LHFPL2: variants seen among roughly 807,000 people sequenced by gnomAD.
The protein encoded by LHFPL2 is LHFPL tetraspan subfamily member 2 protein.
LHFPL2 carries 7 observed loss-of-function variants against 17.5 expected under a neutral mutation model. The observed-to-expected ratio is 0.40, with a 90% CI of 0.23 to 0.75. The LOEUF is 0.75. Among genes scored for constraint, LHFPL2 ranks in the 30% least tolerant of loss-of-function variants. LHFPL2 has a pLI of 0.37. For missense variants in LHFPL2, 241 were observed against 294.8 expected, an observed-to-expected ratio of 0.82 and a Z score of 1.34; for synonymous variants, 134 against 116.2, an observed-to-expected ratio of 1.15 and a Z score of -0.99.
rs1756590684 is a variant in LHFPL2, at chr5:78,557,052, C to T, written c.-186+7761G>A. On this transcript the variant is annotated intron_variant, in intron 3 of 4. Coordinates refer to ENST00000380345, the MANE Select transcript of LHFPL2 (RefSeq NM_005779.3). Reference sequence around the variant, plus strand: ...TAGACATGTGTCTGGCAATCCTAGTCCAGCCATAATAATATATATGTAAGG... The same window carrying T: ...TAGACATGTGTCTGGCAATCCTAGTTCAGCCATAATAATATATATGTAAGG... Among the ~76,000 whole-genome samples, 2 of 151,924 alleles carry T rather than the reference C, an allele frequency of 1.3e-5. 1 individual carries two copies. The highest frequency in any genetic ancestry group is 4.8e-5 in the African/African-American group (2 of 41,310).
chr5:78,552,180 C>T (rs113757379), intron 3 of LHFPL2, among the ~76,000 whole-genome samples: 1 of 149,720 alleles, frequency 6.7e-6, no homozygotes, highest in Admixed American at 6.6e-5. Flanking sequence ...GTTGCCCAGG[C>T]TGGAGTGCAG....
chr5:78,622,967 T>C (rs139123304), intron 2 of LHFPL2, among the ~76,000 whole-genome samples: 86 of 152,200 alleles, frequency 5.7e-4, no homozygotes, highest in African/African-American at 2.0e-3. Flanking sequence ...GGATCTTATC[T>C]AGGCTGTGGG....
chr5:78,552,412 C>T lies in LHFPL2; in HGVS notation c.-186+12401G>A, dbSNP rs951968824. Among the ~76,000 whole-genome samples, 5 of 152,198 alleles carry T rather than the reference C, an allele frequency of 3.3e-5. 1 individual carries two copies. Among genetic ancestry groups the T allele is most frequent in the Admixed American group, 2.6e-4 (4 of 15,280 alleles). ...CCTCCCAAAGTGCTGGGATTGCAGGCGTGAGCCACCGCGCCTGGCCATGTC... is the reference window on the plus strand; with the variant it reads ...CCTCCCAAAGTGCTGGGATTGCAGGTGTGAGCCACCGCGCCTGGCCATGTC... On this transcript the variant is annotated intron_variant, in intron 3 of 4. Transcript: ENST00000380345.
intron 4 of LHFPL2, among the ~76,000 whole-genome samples, chr5:78,494,072 G>T (rs963690291): frequency 6.6e-6 from 1 of 152,222 alleles, no homozygotes; most frequent in Non-Finnish European, 1.5e-5. Context: ...AGTTCCTGAA[G>T]TGAGGCCACC....
chr5:78,573,080 T>C (rs1279239471), intron 2 of LHFPL2, among the ~76,000 whole-genome samples: 1 of 152,006 alleles, frequency 6.6e-6, no homozygotes, highest in African/African-American at 2.4e-5. Context: ...AGACCTACAG[T>C]GTGAAATAAC....
At chr5:78,571,708 C>G (rs1349136133) in intron 2 of LHFPL2, among the ~76,000 whole-genome samples, 1 of 152,216 alleles carries the variant, frequency 6.6e-6, no homozygotes, top group African/African-American at 2.4e-5. Flanking sequence ...CCCTGACCAC[C>G]CTTGCTAAAA....
intron 1 of LHFPL2, among the ~76,000 whole-genome samples, chr5:78,633,412 G>A (rs776310928): frequency 2.0e-4 from 30 of 152,230 alleles, no homozygotes; most frequent in Non-Finnish European, 3.8e-4. Context: ...ACCGTGTAGT[G>A]CAGCAGCATC....
Position 78,487,070 on chromosome 5 carries a change from G to A in LHFPL2, c.*1827C>T, listed in dbSNP as rs964394825. Reference sequence around the variant, plus strand: ...TTCCTAGGCTGCTATGAAGATACCCGTTTTTTTCTTCACCAAAATCACAGG... The same window carrying A: ...TTCCTAGGCTGCTATGAAGATACCCATTTTTTTCTTCACCAAAATCACAGG... On this transcript the variant is annotated 3_prime_UTR_variant, in exon 5 of 5. Transcript: ENST00000380345. The A allele has an allele frequency of 3.3e-5, 5 of 152,088 alleles. No individual in the cohort carries two copies. The highest frequency in any genetic ancestry group is 1.9e-4 in the East Asian group (1 of 5,174). The allele number at this position is 152,088 out of a possible 1,614,324, so 9.4% of individuals were successfully genotyped here.
chr5:78,632,887 G>C (rs1309477603), intron 1 of LHFPL2, among the ~76,000 whole-genome samples: 1 of 152,130 alleles, frequency 6.6e-6, no homozygotes, highest in Non-Finnish European at 1.5e-5. Context: ...CTAAAATGAG[G>C]AGGTGGCCAA....
At chr5:78,584,993 G>GTTTTTTTTTTTTTTTTTTTT (rs1561352310) in intron 2 of LHFPL2, among the ~76,000 whole-genome samples, 1 of 84,758 alleles carries the variant, frequency 1.2e-5, no homozygotes, top group African/African-American at 5.0e-5. Flanking sequence ...CTGGTGCGCT[G>GTTTTTTTTTTTTTTTTTTTT]TGTTTTTTTT....
At chr5:78,547,014 T>TA (rs369689330) in intron 3 of LHFPL2, among the ~76,000 whole-genome samples, 22,891 of 137,536 alleles carry the variant, frequency 0.17, 2,211 homozygotes, top group Admixed American at 0.24. Flanking sequence ...ACTGTACTGG[T>TA]AAAAAAAAAA....
intron 3 of LHFPL2, among the ~76,000 whole-genome samples, chr5:78,536,248 C>G (rs1755948284): frequency 1.3e-5 from 2 of 152,216 alleles, no homozygotes; most frequent in Admixed American, 6.5e-5. Flanking sequence ...GGCCGTGGCA[C>G]TGTAAATGGC....
chr5:78,499,694 C>T lies in LHFPL2; in HGVS notation c.430+10090G>A, dbSNP rs184552771. Among the ~76,000 whole-genome samples, 8 of 152,256 alleles carry T rather than the reference C, an allele frequency of 5.3e-5. No homozygotes were observed. The East Asian group carries it at 1.2e-3, about 22-fold the overall frequency. Reference sequence around the variant, plus strand: ...ATCAAGTGAGAAACCACAGGAGTGCCGTGAGGGGTTATGGAGAGTGGAAGA... The same window carrying T: ...ATCAAGTGAGAAACCACAGGAGTGCTGTGAGGGGTTATGGAGAGTGGAAGA... On this transcript the variant is annotated intron_variant, in intron 4 of 4. Transcript: ENST00000380345.
chr5:78,621,179 A>G (rs146518901), intron 2 of LHFPL2, among the ~76,000 whole-genome samples: 45 of 152,268 alleles, frequency 3.0e-4, no homozygotes, highest in African/African-American at 8.9e-4. Flanking sequence ...AACAAACCTT[A>G]AAGGATTCAG....
chr5:78,620,916 C>A (rs1174342139), intron 2 of LHFPL2, among the ~76,000 whole-genome samples: 1 of 151,200 alleles, frequency 6.6e-6, no homozygotes, highest in Non-Finnish European at 1.5e-5. Flanking sequence ...AGTGAAATAT[C>A]TCATTTTTAA....
chr5:78,523,837 G>A (rs1755535761), intron 3 of LHFPL2, among the ~76,000 whole-genome samples: 1 of 152,140 alleles, frequency 6.6e-6, no homozygotes, highest in Non-Finnish European at 1.5e-5. Flanking sequence ...GTCCCAAGCA[G>A]TACTTTATCT....
At chr5:78,547,825 C>G (rs1756326986) in intron 3 of LHFPL2, among the ~76,000 whole-genome samples, 1 of 152,232 alleles carries the variant, frequency 6.6e-6, no homozygotes, top group Non-Finnish European at 1.5e-5. Context: ...TGTGGGAACC[C>G]AGAGGTACAG....
At chr5:78,586,154 T>C (rs1379144306) in intron 2 of LHFPL2, among the ~76,000 whole-genome samples, 6 of 152,188 alleles carry the variant, frequency 3.9e-5, no homozygotes. Context: ...CCAGCTCCCA[T>C]GGGTGGTAAC....
At chr5:78,561,001 A>C (rs909099051) in intron 3 of LHFPL2, among the ~76,000 whole-genome samples, 2 of 152,212 alleles carry the variant, frequency 1.3e-5, no homozygotes, top group Non-Finnish European at 2.9e-5. Flanking sequence ...ATAACTCAAA[A>C]TATCTAAAAC....
Sources: allele counts gnomAD v4.1 joint callset (sites outside exome capture counted in the v4.1 genomes callset), GRCh38; gene constraint gnomAD v4.1.1; transcripts MANE v1.5; gene names NCBI Gene and HGNC (gene_info 2026-07-23, HGNC 2026-07-21).